Variants in SH3KBP1 observed in about 807,000 individuals in gnomAD.
SH3KBP1 encodes the protein SH3 domain containing kinase binding protein 1, also known as SH3 domain-containing kinase-binding protein 1.
A neutral mutation model predicts 50.1 loss-of-function variants in SH3KBP1; 8 were observed. That is an observed-to-expected ratio of 0.16 (90% CI 0.09 to 0.29). The LOEUF is 0.29. SH3KBP1 is among the 10% of genes least tolerant of loss of function. SH3KBP1 has a pLI of 1.00. For synonymous variants in SH3KBP1, 227 were observed against 218.6 expected (o/e 1.04, Z -0.34); for missense variants, 377 against 535.2 (o/e 0.70, Z 2.92).
At chrX:19,696,530 G>C (rs2063419903) in intron 4 of SH3KBP1, among the ~76,000 whole-genome samples, 1 of 111,448 alleles carries the variant, frequency 9.0e-6, no homozygotes, top group Non-Finnish European at 1.9e-5. Flanking sequence ...ATGATATCTG[G>C]ATAAGGAGGG....
chrX:19,556,100 C>A (rs1255514433), intron 13 of SH3KBP1, among the ~76,000 whole-genome samples: 1 of 112,091 alleles, frequency 8.9e-6, no homozygotes, highest in East Asian at 2.8e-4. Flanking sequence ...TTCAGATTTT[C>A]CAGCAGGAAA....
chrX:19,543,181 C>G (rs965638112), intron 15 of SH3KBP1, among the ~76,000 whole-genome samples: 1 of 111,200 alleles, frequency 9.0e-6, no homozygotes, highest in African/African-American at 3.3e-5. Context: ...ATGGAACAGA[C>G]GCCTTGTGAG....
chrX:19,554,047 T>A (rs1305870828), intron 13 of SH3KBP1, among the ~76,000 whole-genome samples: 1 of 59,451 alleles, frequency 1.7e-5, no homozygotes, highest in Non-Finnish European at 2.7e-5. Flanking sequence ...TAATATATAT[T>A]AAAATATATT....
intron 2 of SH3KBP1, among the ~76,000 whole-genome samples, chrX:19,826,090 T>C (rs1299426539): frequency 8.9e-6 from 1 of 112,209 alleles, no homozygotes; most frequent in Non-Finnish European, 1.9e-5. Context: ...TGTAGGTTCA[T>C]TTAGCACATT....
intron 3 of SH3KBP1, among the ~76,000 whole-genome samples, chrX:19,739,014 GAAAAAAAAAAAAA>G (rs1167676836): frequency 1.2e-3 from 26 of 22,461 alleles, no homozygotes; most frequent in East Asian, 2.5e-3. Flanking sequence ...CTGCCTCCAA[GAAAAAAAAAAAAA>G]AAAAAAAAAA....
chrX:19,589,829 A>C (rs948266182), intron 11 of SH3KBP1, among the ~76,000 whole-genome samples: 5 of 108,568 alleles, frequency 4.6e-5, no homozygotes, highest in African/African-American at 1.7e-4. Context: ...AAAAAAAAAA[A>C]CCCATCAGGG....
intron 5 of SH3KBP1, among the ~76,000 whole-genome samples, chrX:19,686,546 C>T (rs759508791): frequency 2.9e-4 from 32 of 111,059 alleles, no homozygotes; most frequent in Non-Finnish European, 4.9e-4. Flanking sequence ...AACTTCCAGA[C>T]ATGTGGCTGG....
At chrX:19,725,113 A>T (rs923013907) in intron 3 of SH3KBP1, among the ~76,000 whole-genome samples, 3 of 110,569 alleles carry the variant, frequency 2.7e-5, no homozygotes, top group African/African-American at 9.9e-5. Flanking sequence ...AAATGACCCC[A>T]AAGTGTCGAT....
At chrX:19,824,021 T>C (rs1164345897) in intron 2 of SH3KBP1, among the ~76,000 whole-genome samples, 1 of 110,926 alleles carries the variant, frequency 9.0e-6, no homozygotes, top group African/African-American at 3.3e-5. Context: ...GGTTTCATCA[T>C]GTTGGCCAGT....
chrX:19,740,836 C>A, intron 3 of SH3KBP1: 1 of 288,402 alleles, frequency 3.5e-6, no homozygotes. Flanking sequence ...ACCGCCTTGG[C>A]GCCATGAGAA....
At chrX:19,645,505 T>A in intron 6 of SH3KBP1, 30 bp from the exon 7 acceptor site, 1 of 1,008,567 alleles carries the variant, frequency 9.9e-7, no homozygotes, top group Non-Finnish European at 1.4e-6. Flanking sequence ...ATTTTACTTA[T>A]CAAGATGATT....
At chrX:19,807,144 C>T (rs1179760355) in intron 2 of SH3KBP1, among the ~76,000 whole-genome samples, 1 of 112,279 alleles carries the variant, frequency 8.9e-6, no homozygotes, top group Non-Finnish European at 1.9e-5. Context: ...AGTATCTACT[C>T]ACAATTGCAA....
chrX:19,538,366 G>A lies in SH3KBP1; in HGVS notation c.1893-586C>T, dbSNP rs780158918. On this transcript the variant is annotated intron_variant, in intron 16 of 17. Coordinates refer to ENST00000397821, the MANE Select transcript of SH3KBP1 (RefSeq NM_031892.3). ...ACTACAAGCGCACACCACCATGCCA[G>A]GCCAATTTTTAAAATTATTTTTGTA... Among the ~76,000 whole-genome samples the A allele has an allele frequency of 2.8e-5, 3 of 109,038 alleles. No homozygotes were observed. The East Asian group carries it at 8.7e-4, about 32-fold the overall frequency. 94.7% of individuals were successfully genotyped at this position (109,038 alleles called of 115,157 possible).
chrX:19,708,803 T>C (rs765874246), intron 3 of SH3KBP1, among the ~76,000 whole-genome samples: 5 of 111,709 alleles, frequency 4.5e-5, no homozygotes, highest in African/African-American at 1.3e-4. Context: ...AAAAGCAAAC[T>C]CTGCAGACAC....
At chrX:19,863,977 C>T (rs966417799) in intron 1 of SH3KBP1, among the ~76,000 whole-genome samples, 21 of 111,052 alleles carry the variant, frequency 1.9e-4, no homozygotes, top group Non-Finnish European at 2.8e-4. Flanking sequence ...GTCCTCATCC[C>T]CCTGCTTCCT....
At chrX:19,750,331 A>G (rs903911743) in intron 2 of SH3KBP1, among the ~76,000 whole-genome samples, 2 of 111,742 alleles carry the variant, frequency 1.8e-5, no homozygotes, top group Admixed American at 9.5e-5. Flanking sequence ...AAATGCTGGG[A>G]TTACAGGCGA....
At chrX:19,619,563 A>C (rs1432896836) in intron 8 of SH3KBP1, among the ~76,000 whole-genome samples, 1 of 111,830 alleles carries the variant, frequency 8.9e-6, no homozygotes, top group Admixed American at 9.5e-5. Context: ...AGGTGGGCAG[A>C]TCACTTGAGC....
At chrX:19,739,386 T>C (rs914726618) in intron 3 of SH3KBP1, among the ~76,000 whole-genome samples, 1 of 111,437 alleles carries the variant, frequency 9.0e-6, no homozygotes, top group African/African-American at 3.3e-5. Context: ...GAAAACAACA[T>C]TGGTAATAAA....
intron 2 of SH3KBP1, among the ~76,000 whole-genome samples, chrX:19,798,526 G>A (rs1240726384): frequency 9.0e-6 from 1 of 111,547 alleles, no homozygotes; most frequent in Non-Finnish European, 1.9e-5. Context: ...CTCCTAACTT[G>A]GGTCCTCAGT....
Sources: gnomAD v4.1 joint callset for allele counts (sites outside exome capture counted in the v4.1 genomes callset) on GRCh38, gnomAD v4.1.1 for gene constraint, MANE v1.5 for transcripts, NCBI Gene and HGNC (gene_info 2026-07-23, HGNC 2026-07-21) for gene names.